Variants in ADAMTS2 observed in about 807,000 individuals in gnomAD.
ADAMTS2 encodes the protein A disintegrin and metalloproteinase with thrombospondin motifs 2.
In ADAMTS2, 50 loss-of-function variants were observed where a neutral mutation model predicts 123.0. The ratio of observed to expected loss-of-function variants is 0.41; its 90% CI spans 0.32 to 0.51. ADAMTS2 has a LOEUF of 0.51. Ranked by LOEUF, ADAMTS2 falls within the 20% of genes least tolerant of loss-of-function variation. ADAMTS2 has a pLI of 0.35. For missense variants in ADAMTS2, 1,494 were observed against 1,705.2 expected (o/e 0.88, Z 2.18); for synonymous variants, 678 against 695.4 (o/e 0.98, Z 0.39).
chr5:179,306,855 G>A (rs1756687035), intron 2 of ADAMTS2, among the ~76,000 whole-genome samples: 1 of 152,166 alleles, frequency 6.6e-6, no homozygotes. Flanking sequence ...CCATGAGATC[G>A]AGTCTCATAG....
At chr5:179,216,221 G>A (rs1187935496) in intron 3 of ADAMTS2, among the ~76,000 whole-genome samples, 8 of 152,218 alleles carry the variant, frequency 5.3e-5, no homozygotes, top group Non-Finnish European at 1.2e-4. Flanking sequence ...GAGCGACTGA[G>A]CCATACTGAG....
chr5:179,210,776 C>T (rs1215561367), intron 3 of ADAMTS2, among the ~76,000 whole-genome samples: 2 of 152,242 alleles, frequency 1.3e-5, no homozygotes, highest in Non-Finnish European at 2.9e-5. Context: ...CTGTCCTCCT[C>T]TGTCCCAACA....
At chr5:179,328,531 G>T in intron 2 of ADAMTS2, among the ~76,000 whole-genome samples, 1 of 152,166 alleles carries the variant, frequency 6.6e-6, no homozygotes, top group South Asian at 2.1e-4. Context: ...GTCAACCATG[G>T]GTATCAAGTG....
chr5:179,326,264 C>G (rs150758698), intron 2 of ADAMTS2, among the ~76,000 whole-genome samples: 1 of 150,744 alleles, frequency 6.6e-6, no homozygotes, highest in Non-Finnish European at 1.5e-5. Context: ...CCCAGGAATG[C>G]TGTATTGGCG....
In ADAMTS2 at chr5:179,130,277, C is replaced by G. The variant is rs1762935191; in HGVS notation, c.2291-179G>C. 6.6e-6 allele frequency among the ~76,000 whole-genome samples: 1 copy of G among 152,144 alleles called. No homozygotes were observed. Among genetic ancestry groups the G allele is most frequent in the Non-Finnish European group, 1.5e-5 (1 of 68,026 alleles). ...GATGGCTCTGGGAGCCCTGCTTGCC[C>G]ATCACTGCTCCCTCGGGACCAGATT... On this transcript the variant is annotated intron_variant, in intron 15 of 21. Coordinates refer to ENST00000251582, the MANE Select transcript of ADAMTS2 (RefSeq NM_014244.5). The surrounding 1 kb of genome is among the most constrained non-coding windows in gnomAD (Gnocchi z 4.3).
intron 3 of ADAMTS2, among the ~76,000 whole-genome samples, chr5:179,226,112 CGAG>C (rs543709190): frequency 1.5e-3 from 223 of 152,302 alleles, no homozygotes; most frequent in Non-Finnish European, 2.5e-3. Flanking sequence ...GCACGCCCTG[CGAG>C]GAGGACAAGA....
At chr5:179,156,744 T>G (rs1346983830) in intron 6 of ADAMTS2, among the ~76,000 whole-genome samples, 1 of 152,216 alleles carries the variant, frequency 6.6e-6, no homozygotes, top group East Asian at 1.9e-4. Flanking sequence ...AGAAAACTCT[T>G]AGGGTTTATG....
chr5:179,130,727 C>T lies in ADAMTS2; in HGVS notation c.2291-629G>A, dbSNP rs1762946177. ...AGTGTGGGGGGTGGCTGCTGCGGGGCAGCTGGGTGATGTGAGTGGGGCCGC... is the reference window on the plus strand; with the variant it reads ...AGTGTGGGGGGTGGCTGCTGCGGGGTAGCTGGGTGATGTGAGTGGGGCCGC... On this transcript the variant is annotated intron_variant, in intron 15 of 21. Transcript: ENST00000251582. The surrounding 1 kb of genome is among the most constrained non-coding windows in gnomAD (Gnocchi z 4.3). Among the ~76,000 whole-genome samples, 1 of 152,130 alleles carries T rather than the reference C, an allele frequency of 6.6e-6. No homozygotes were observed. The highest frequency in any genetic ancestry group is 2.4e-5 in the African/African-American group (1 of 41,428).
chr5:179,198,660 C>T (rs527440554), intron 4 of ADAMTS2, among the ~76,000 whole-genome samples: 2 of 152,194 alleles, frequency 1.3e-5, no homozygotes, highest in East Asian at 3.9e-4. Context: ...ATGGTGAAAC[C>T]CCGTCTCTAC....
chr5:179,203,815 A>T (rs1262634606), intron 4 of ADAMTS2, among the ~76,000 whole-genome samples: 1 of 152,232 alleles, frequency 6.6e-6, no homozygotes, highest in Non-Finnish European at 1.5e-5. Flanking sequence ...TCCTCAAAAA[A>T]TTAAAGAAAG....
intron 2 of ADAMTS2, among the ~76,000 whole-genome samples, chr5:179,283,424 A>G (rs1755884930): frequency 6.6e-6 from 1 of 152,052 alleles, no homozygotes; most frequent in Admixed American, 6.5e-5. Flanking sequence ...AGTTTCTAAA[A>G]TCAGTAGATA....
intron 10 of ADAMTS2, among the ~76,000 whole-genome samples, chr5:179,145,661 G>A (rs372216621): frequency 3.3e-5 from 5 of 152,104 alleles, no homozygotes; most frequent in African/African-American, 4.8e-5. Context: ...TTGGAAAATC[G>A]ATAAAGACAG....
rs756807336 is a variant in ADAMTS2 at position 179,272,938 on chromosome 5, G to A, written c.661C>T (p.Leu221Phe). The stretch of plus-strand genomic sequence containing the variant: ...GTGTCCAGGGCCTGTGGCCCCCCGA[G>A]AGGAGGGGACGTGGGTGGCCGGCGA... ...VYRRPPTSPP[L>F]GGPQALDTGA... Residue 221 changes from leucine to phenylalanine, a missense_variant, in exon 3 of 22, where the codon CTC (leucine) becomes TTC (phenylalanine). Around this residue, in one of 6 missense-constraint regions of ADAMTS2, gnomAD observed 184 missense variants for 152.1 expected, o/e 1.21. Coordinates refer to ENST00000251582, the MANE Select transcript of ADAMTS2 (RefSeq NM_014244.5). The surrounding 1 kb of genome is among the most constrained non-coding windows in gnomAD (Gnocchi z 5.8). 3 of 1,611,354 alleles carry A rather than the reference G, an allele frequency of 1.9e-6. No individual in the cohort carries two copies. Among genetic ancestry groups the A allele is most frequent in the Non-Finnish European group, 2.5e-6 (3 of 1,179,988 alleles).
chr5:179,141,114 C>A (rs1244908864), intron 10 of ADAMTS2, among the ~76,000 whole-genome samples: 1 of 152,074 alleles, frequency 6.6e-6, no homozygotes, highest in African/African-American at 2.4e-5. Context: ...CGCGCCCGGC[C>A]GACTGCATAC....
At chr5:179,286,991 G>A (rs1756039105) in intron 2 of ADAMTS2, among the ~76,000 whole-genome samples, 1 of 152,144 alleles carries the variant, frequency 6.6e-6, no homozygotes, top group Non-Finnish European at 1.5e-5. Context: ...TCCAAATACA[G>A]CCAATATCCT....
chr5:179,210,292 G>A lies in ADAMTS2; in HGVS notation c.689-2577C>T, dbSNP rs182963412. 4.1e-4 allele frequency among the ~76,000 whole-genome samples: 63 copies of A among 152,306 alleles called. 1 individual carries two copies. In the East Asian group the frequency reaches 5.2e-3, roughly 13 times the overall value. ...GCAGGGACCCCTCCAGACATTCCCCGTAGGAGGGCATGGGTGCCGCATCGG... is the reference window on the plus strand; with the variant it reads ...GCAGGGACCCCTCCAGACATTCCCCATAGGAGGGCATGGGTGCCGCATCGG... On this transcript the variant is annotated intron_variant, in intron 3 of 21. Coordinates refer to ENST00000251582, the MANE Select transcript of ADAMTS2 (RefSeq NM_014244.5).
chr5:179,176,872 G>A (rs1763942710), intron 5 of ADAMTS2, among the ~76,000 whole-genome samples: 1 of 151,972 alleles, frequency 6.6e-6, no homozygotes, highest in Non-Finnish European at 1.5e-5. Context: ...TCGTCCCTCT[G>A]GGTTCAGCTG....
intron 3 of ADAMTS2, among the ~76,000 whole-genome samples, chr5:179,229,012 TACCTCCAGCTGTGCACCTCGGTCAGGC>T (rs1474721612): frequency 5.3e-4 from 81 of 152,172 alleles, no homozygotes; most frequent in African/African-American, 1.2e-3. Context: ...CCAGCAAAGC[TACCTCCAGCTGTGCACCTCGGTCAGGC>T]ACCTCCAGCT....
intron 19 of ADAMTS2, among the ~76,000 whole-genome samples, chr5:179,123,396 G>A (rs532844531): frequency 1.2e-4 from 19 of 152,298 alleles, no homozygotes; most frequent in African/African-American, 4.6e-4. Context: ...CCCAACAAAG[G>A]TCTGTGTTTT....
Sources: gnomAD v4.1 joint callset for allele counts (sites outside exome capture counted in the v4.1 genomes callset) on GRCh38, gnomAD v4.1.1 for gene constraint, gnomAD v4.1.1 regional missense constraint, Gnocchi (gnomAD v3.1) non-coding constraint, MANE v1.5 for transcripts, NCBI Gene and HGNC (gene_info 2026-07-23, HGNC 2026-07-21) for gene names.